The following DNAJC21 variants were observed in gnomAD, a reference collection of about 807,000 sequenced individuals.
The protein encoded by DNAJC21 is dnaJ homolog subfamily C member 21.
In DNAJC21, 63 loss-of-function variants were observed where a neutral mutation model predicts 72.4. The observed-to-expected ratio is 0.87, with a 90% CI of 0.71 to 1.07. The LOEUF is 1.07. Ranked by LOEUF, DNAJC21 falls within the 50% of genes least tolerant of loss-of-function variation. The probability of loss-of-function intolerance (pLI) is 0.00; values close to 1 mark genes in which losing one functional copy is unlikely to be tolerated. For synonymous variants in DNAJC21, 203 were observed against 216.7 expected (o/e 0.94, Z 0.56); for missense variants, 634 against 644.8 (o/e 0.98, Z 0.18).
intron 4 of DNAJC21, among the ~76,000 whole-genome samples, chr5:34,936,637 T>C (rs1199050041): frequency 6.6e-6 from 1 of 152,218 alleles, no homozygotes; most frequent in Non-Finnish European, 1.5e-5. Context: ...AAACAATTGG[T>C]TCTAGTTCTC....
At chr5:34,949,649 G>T in intron 9 of DNAJC21, 1 of 1,613,386 alleles carries the variant, frequency 6.2e-7, no homozygotes, top group Non-Finnish European at 8.5e-7. Flanking sequence ...GAGCACAAAT[G>T]TGCCAAAATG....
In DNAJC21 at chr5:34,937,186, A is replaced by C. The variant is rs146181150; in HGVS notation, c.439-140A>C. 7.6e-4 allele frequency: 661 copies of C among 867,854 alleles called. 3 individuals carry two copies. In the African/African-American group the frequency reaches 9.9e-3, roughly 13 times the overall value. 53.8% of individuals were successfully genotyped at this position (867,854 alleles called of 1,614,324 possible). A position where few individuals can be genotyped will look rare whatever the true frequency, so the allele number is the denominator to read the frequency against. Reference sequence around the variant, plus strand: ...ATTTTTTCTGGAAAGCCTTAAAAGTACTGTCTTCTCCAGAGATTATTAGAA... The same window carrying C: ...ATTTTTTCTGGAAAGCCTTAAAAGTCCTGTCTTCTCCAGAGATTATTAGAA... On this transcript the variant is annotated intron_variant, in intron 4 of 11. Coordinates refer to ENST00000648817, the MANE Select transcript of DNAJC21 (RefSeq NM_001012339.3).
chr5:34,951,628 A>G lies in DNAJC21; in HGVS notation c.1358+1286A>G. The stretch of plus-strand genomic sequence containing the variant: ...CTGCAACCTCCGCCTCCTGGGTTCA[A>G]GCAATTCTCCTGCCTCAGCCTCTCG... On this transcript the variant is annotated intron_variant, in intron 10 of 11. Coordinates refer to ENST00000648817, the MANE Select transcript of DNAJC21 (RefSeq NM_001012339.3). 4.4e-6 allele frequency: 4 copies of G among 914,284 alleles called. No individual in the cohort carries two copies. In the South Asian group the frequency reaches 2.0e-4, roughly 46 times the overall value. 56.6% of individuals were successfully genotyped at this position (914,284 alleles called of 1,614,324 possible).
intron 5 of DNAJC21, among the ~76,000 whole-genome samples, chr5:34,938,484 A>G (rs112796405): frequency 3.9e-5 from 6 of 152,338 alleles, no homozygotes; most frequent in African/African-American, 1.4e-4. Flanking sequence ...CTGTAAATGC[A>G]TTGTGTCCAG....
At chr5:34,952,177 T>G in intron 10 of DNAJC21, 1 of 985,198 alleles carries the variant, frequency 1.0e-6, no homozygotes, top group Non-Finnish European at 1.2e-6. Context: ...ATAAAGGTCT[T>G]AGATATCAGC....
chr5:34,951,850 A>G (rs893954983), intron 10 of DNAJC21: 1 of 985,338 alleles, frequency 1.0e-6, no homozygotes. Flanking sequence ...ATGAGAATTG[A>G]TCTGGGGAGG....
At chr5:34,948,596 GTGGC>G (rs1387496963) in intron 9 of DNAJC21, among the ~76,000 whole-genome samples, 5 of 152,248 alleles carry the variant, frequency 3.3e-5, no homozygotes, top group African/African-American at 1.2e-4. Flanking sequence ...GCCAGGTGCG[GTGGC>G]TCACGCCTGT....
chr5:34,941,215 T>G (rs1427351636), intron 7 of DNAJC21, 32 bp downstream of exon 7: 1 of 1,589,016 alleles, frequency 6.3e-7, no homozygotes, highest in Non-Finnish European at 8.6e-7. Flanking sequence ...AATTTAATTT[T>G]GAGACAGGGT....
At chr5:34,948,496 A>G (rs1765245231) in intron 9 of DNAJC21, among the ~76,000 whole-genome samples, 2 of 152,230 alleles carry the variant, frequency 1.3e-5, no homozygotes, top group Non-Finnish European at 2.9e-5. Flanking sequence ...TTGAGTCATC[A>G]AAAGGAATAA....
intron 1 of DNAJC21, 63 bp from the exon 2 acceptor site, chr5:34,933,752 A>G (rs1764676691): frequency 7.3e-7 from 1 of 1,371,002 alleles, no homozygotes; most frequent in South Asian, 1.3e-5. Context: ...CTGATGGAAA[A>G]TGTCTTATTT....
At chr5:34,931,438 TAGAA>T (rs932666332) in intron 1 of DNAJC21, among the ~76,000 whole-genome samples, 34 of 152,280 alleles carry the variant, frequency 2.2e-4, no homozygotes, top group African/African-American at 7.9e-4. Flanking sequence ...AGTTAGGAAT[TAGAA>T]GGAAGTTCGG....
intron 7 of DNAJC21, among the ~76,000 whole-genome samples, chr5:34,943,512 ATAC>A (rs1765068118): frequency 6.6e-6 from 1 of 152,188 alleles, no homozygotes; most frequent in South Asian, 2.1e-4. Flanking sequence ...TTTTACTACT[ATAC>A]TACTAATTTT....
chr5:34,947,725 C>G (rs1580537695), intron 9 of DNAJC21, among the ~76,000 whole-genome samples: 1 of 140,690 alleles, frequency 7.1e-6, no homozygotes, highest in Admixed American at 7.6e-5. Context: ...TGTGGAAGAT[C>G]ATTTAATCAT....
At chr5:34,941,955 G>A (rs1022775143) in intron 7 of DNAJC21, among the ~76,000 whole-genome samples, 2 of 151,924 alleles carry the variant, frequency 1.3e-5, no homozygotes, top group African/African-American at 2.4e-5. Context: ...CCCACATACT[G>A]TCTCGGGGGA....
chr5:34,936,044 A>T, intron 3 of DNAJC21, 100 bp from the exon 4 acceptor site: 1 of 1,515,012 alleles, frequency 6.6e-7, no homozygotes, highest in Non-Finnish European at 8.8e-7. Context: ...TTTGTCCCAA[A>T]ATTCTTCAAC....
chr5:34,945,111 T>C, intron 8 of DNAJC21, 86 bp downstream of exon 8: 1 of 1,503,924 alleles, frequency 6.6e-7, no homozygotes, highest in Non-Finnish European at 9.0e-7. Context: ...GGAGAATCAC[T>C]CTGTTGCCCA....
At chr5:34,948,342 C>T (rs1441314932) in intron 9 of DNAJC21, among the ~76,000 whole-genome samples, 4 of 152,124 alleles carry the variant, frequency 2.6e-5, no homozygotes, top group African/African-American at 9.7e-5. Flanking sequence ...TGGAGAAATA[C>T]CTGATTTCAG....
chr5:34,941,307 C>T (rs1317811039), intron 7 of DNAJC21, 124 bp downstream of exon 7: 37 of 813,030 alleles, frequency 4.6e-5, no homozygotes, highest in Non-Finnish European at 7.1e-5. Context: ...AGATGATCCT[C>T]CCATGTCAGC....
intron 6 of DNAJC21, among the ~76,000 whole-genome samples, chr5:34,939,380 C>T (rs1764910726): frequency 1.3e-5 from 2 of 152,154 alleles, no homozygotes; most frequent in South Asian, 4.1e-4. Flanking sequence ...ATTCTCCTGC[C>T]TCAGCCTCCC....
Sources: allele counts gnomAD v4.1 joint callset (sites outside exome capture counted in the v4.1 genomes callset), GRCh38; gene constraint gnomAD v4.1.1; transcripts MANE v1.5; gene names NCBI Gene and HGNC (gene_info 2026-07-23, HGNC 2026-07-21).